The following GSN variants were observed in gnomAD, a reference collection of about 807,000 sequenced individuals.
GSN encodes actin-depolymerizing factor.
Under a neutral mutation model 85.7 loss-of-function variants are expected in GSN, and 56 were observed. The ratio of observed to expected loss-of-function variants is 0.65; its 90% CI spans 0.53 to 0.82. The LOEUF (loss-of-function observed/expected upper bound fraction) is 0.82. GSN is among the 40% of genes least tolerant of loss of function. The pLI, the probability that GSN is intolerant of heterozygous loss-of-function variation, is 0.00. For missense variants in GSN, 857 were observed against 979.8 expected (o/e 0.87, Z 1.67); for synonymous variants, 373 against 399.1 (o/e 0.93, Z 0.78).
intron 3 of GSN, 25 bp downstream of exon 3, chr9:121,302,192 T>TGCCCCAGCCCCC (rs1275924861): frequency 9.9e-6 from 16 of 1,611,680 alleles, no homozygotes; most frequent in Admixed American, 1.7e-5. Flanking sequence ...GCCCAGCCCC[T>TGCCCCAGCCCCC]GCCCCAGCCC....
At chr9:121,274,807 G>GGAGGATGAGGAGCCTGATCAGATATC (rs1420475894) in intron 1 of GSN, among the ~76,000 whole-genome samples, 3 of 152,214 alleles carry the variant, frequency 2.0e-5, no homozygotes, top group African/African-American at 4.8e-5. Flanking sequence ...GGGGCATGGT[G>GGAGGATGAGGAGCCTGATCAGATATC]GAGGATGAGG....
At chr9:121,202,106 T>A in the GSN span, among the ~76,000 whole-genome samples, 26 of 152,164 alleles carry the variant, frequency 1.7e-4, no homozygotes, top group Non-Finnish European at 7.4e-5. Context: ...GCAAGCGCAG[T>A]CGCGTGTCCT....
intron 14 of GSN, among the ~76,000 whole-genome samples, chr9:121,328,051 C>T (rs1416365723): frequency 1.3e-5 from 2 of 150,088 alleles, no homozygotes; most frequent in Admixed American, 6.6e-5. Context: ...GGCGGTCCCT[C>T]GCTAGGAAGC....
chr9:121,312,638 AT>A, intron 6 of GSN, 150 bp downstream of exon 6: 3 of 677,484 alleles, frequency 4.4e-6, no homozygotes, highest in Middle Eastern at 8.5e-4. Context: ...TTTTATTTTA[AT>A]TTTTGAGACA....
chr9:121,209,690 G>C (rs905650246), intron 2 of GSN, among the ~76,000 whole-genome samples: 1 of 152,200 alleles, frequency 6.6e-6, no homozygotes, highest in Admixed American at 6.5e-5. Flanking sequence ...CAGAGCATGA[G>C]AAGCTCTTAG....
intron 1 of GSN, among the ~76,000 whole-genome samples, chr9:121,276,762 A>T (rs982947881): frequency 4.6e-5 from 7 of 152,174 alleles, no homozygotes; most frequent in African/African-American, 1.7e-4. Context: ...AAGGAAGATT[A>T]AGAAACCTGG....
At chr9:121,277,852 C>T (rs1406951394) in intron 1 of GSN, among the ~76,000 whole-genome samples, 1 of 152,098 alleles carries the variant, frequency 6.6e-6, no homozygotes, top group Non-Finnish European at 1.5e-5. Flanking sequence ...AGGCCCCAGT[C>T]TGTTTTTGTA....
At chr9:121,222,948 G>C (rs1198987908) in intron 4 of GSN, 1 of 152,128 alleles carries the variant, frequency 6.6e-6, no homozygotes, top group African/African-American at 2.4e-5. Flanking sequence ...CTGTTCCCCT[G>C]ATTCTTCCCT....
chr9:121,234,885 A>G (rs1305068234), intron 5 of GSN, among the ~76,000 whole-genome samples: 1 of 152,194 alleles, frequency 6.6e-6, no homozygotes, highest in Non-Finnish European at 1.5e-5. Context: ...AAATAAATGT[A>G]GGACATTGCC....
chr9:121,328,823 A>C, intron 14 of GSN, 68 bp from the exon 15 acceptor site: 1 of 1,558,938 alleles, frequency 6.4e-7, no homozygotes, highest in Non-Finnish European at 8.8e-7. Context: ...GGCTGGTCCC[A>C]GGGTCCGATG....
At chr9:121,304,645 G>T (rs2060219534) in intron 4 of GSN, among the ~76,000 whole-genome samples, 1 of 152,206 alleles carries the variant, frequency 6.6e-6, no homozygotes, top group South Asian at 2.1e-4. Context: ...AGCAGCACCA[G>T]CTCATTGTTG....
rs117965336 is a variant in GSN, at chr9:121,285,850, C to T, written c.-10+4288C>T. Among the ~76,000 whole-genome samples, 2,304 of 152,300 alleles carry T rather than the reference C, an allele frequency of 0.015. 33 individuals carry two copies. Among genetic ancestry groups the T allele is most frequent in the Non-Finnish European group, 0.019 (1,318 of 68,028 alleles). ...GAGAAGCAGGAAAAGGGCCTCCTCTCCACAAAGCATACCCCCACTAATCAG... is the reference window on the plus strand; with the variant it reads ...GAGAAGCAGGAAAAGGGCCTCCTCTTCACAAAGCATACCCCCACTAATCAG... On this transcript the variant is annotated intron_variant, in intron 2 of 17. Coordinates refer to ENST00000432226, the MANE Select transcript of GSN (RefSeq NM_198252.3).
At chr9:121,257,897 A>G (rs896607820) in intron 6 of GSN, among the ~76,000 whole-genome samples, 1 of 152,180 alleles carries the variant, frequency 6.6e-6, no homozygotes, top group Non-Finnish European at 1.5e-5. Flanking sequence ...ATGAAACAAA[A>G]CAAAAAGCCA....
intron 8 of GSN, chr9:121,317,576 GT>G (rs1179129562): frequency 1.2e-5 from 4 of 333,550 alleles, no homozygotes; most frequent in African/African-American, 8.5e-5. Flanking sequence ...GTTCGAGTTT[GT>G]TTACTGTAGG....
chr9:121,330,777 G>T (rs2063797947), intron 16 of GSN, among the ~76,000 whole-genome samples: 1 of 151,886 alleles, frequency 6.6e-6, no homozygotes, highest in Non-Finnish European at 1.5e-5. Flanking sequence ...CAAGCCTTAG[G>T]CCCATTTTGA....
chr9:121,241,239 G>A (rs1277211425), intron 5 of GSN, among the ~76,000 whole-genome samples: 1 of 152,154 alleles, frequency 6.6e-6, no homozygotes, highest in East Asian at 1.9e-4. Flanking sequence ...AAAAGACAAA[G>A]GGTAGAAAAA....
intron 6 of GSN, among the ~76,000 whole-genome samples, chr9:121,249,658 A>G (rs2132233185): frequency 6.6e-6 from 1 of 152,108 alleles, no homozygotes; most frequent in Non-Finnish European, 1.5e-5. Flanking sequence ...GGGCAGCAAT[A>G]TTTTTTTCCA....
intron 2 of GSN, among the ~76,000 whole-genome samples, chr9:121,289,476 A>G (rs1439013308): frequency 6.6e-6 from 1 of 152,098 alleles, no homozygotes; most frequent in Non-Finnish European, 1.5e-5. Flanking sequence ...TGCATTCCAG[A>G]GCTTAGGAGA....
At chr9:121,327,594 C>CT in intron 14 of GSN, 112 bp downstream of exon 14, 1 of 832,300 alleles carries the variant, frequency 1.2e-6, no homozygotes, top group Non-Finnish European at 1.8e-6. Context: ...ACCTGAGGGC[C>CT]TGTCCCCTAA....
Sources: allele counts gnomAD v4.1 joint callset (sites outside exome capture counted in the v4.1 genomes callset), GRCh38; gene constraint gnomAD v4.1.1; transcripts MANE v1.5; gene names NCBI Gene and HGNC (gene_info 2026-07-23, HGNC 2026-07-21).